SSBP1: variants seen among roughly 807,000 people sequenced by gnomAD.
The protein encoded by SSBP1 is single-stranded DNA-binding protein, mitochondrial.
A neutral mutation model predicts 27.0 loss-of-function variants in SSBP1; 20 were observed. The observed-to-expected ratio is 0.74, with a 90% CI of 0.52 to 1.08. The LOEUF (loss-of-function observed/expected upper bound fraction) is 1.08. SSBP1 is among the 50% of genes least tolerant of loss of function. The pLI, the probability that SSBP1 is intolerant of heterozygous loss-of-function variation, is 0.00. For synonymous variants in SSBP1, 59 were observed against 59.3 expected (o/e 1.00, Z 0.02); for missense variants, 137 against 182.4 (o/e 0.75, Z 1.44).
In SSBP1 at chr7:141,748,011, A is replaced by C. The variant is rs1396770866; in HGVS notation, c.404-2300A>C. Among the ~76,000 whole-genome samples the C allele has an allele frequency of 3.3e-5, 5 of 151,166 alleles. No homozygotes were observed. In the East Asian group the frequency reaches 7.8e-4, roughly 24 times the overall value. ...AGACTCTCTCAAAAAAAAAAAAAAA[A>C]AAAAAATTTTTTTTTTTTTACTATG... On this transcript the variant is annotated intron_variant, in intron 6 of 6. Transcript: ENST00000265304.
In SSBP1 at chr7:141,743,624, G is replaced by GA. The variant is rs777188245; in HGVS notation, c.155dup (p.Asn52LysfsTer11). The stretch of plus-strand genomic sequence containing the variant: ...GACCCTGTCTTGAGACAGGTGGAAG[G>GA]AAAAAATCCAGTCACAATATTTTCT... On this transcript the variant is annotated frameshift_variant, in exon 4 of 7. Coordinates refer to ENST00000265304, the MANE Select transcript of SSBP1 (RefSeq NM_003143.3). LOFTEE classifies it high-confidence loss of function. 2 of 1,614,112 alleles carry GA rather than the reference G, an allele frequency of 1.2e-6. No homozygotes were observed. Among genetic ancestry groups the GA allele is most frequent in the East Asian group, 2.2e-5 (1 of 44,882 alleles).
intron 6 of SSBP1, among the ~76,000 whole-genome samples, chr7:141,749,414 A>G (rs1799891667): frequency 6.6e-6 from 1 of 152,214 alleles, no homozygotes; most frequent in Non-Finnish European, 1.5e-5. Flanking sequence ...TTTAAGAGCA[A>G]CGTCTGATAT....
Position 141,743,981 on chromosome 7 carries a change from G to T in SSBP1, c.306G>T (p.Val102=). ...TCAGAGACGTGGCATATCAATATGT[G>T]AAAAAGGGGTAAGTTGAAGAGGGAA... ...PGLRDVAYQY[V]KKGSRIYLEG... is the part of the protein sequence containing the mutation. The change falls in exon 5 of 7, where the codon GTG becomes GTT. Residue 102 remains valine, a synonymous_variant. Transcript: ENST00000265304. 1.2e-6 allele frequency: 2 copies of T among 1,610,894 alleles called. No homozygotes were observed. Among genetic ancestry groups the T allele is most frequent in the Non-Finnish European group, 1.7e-6 (2 of 1,179,220 alleles).
chr7:141,742,146 G>GT (rs1184386466), intron 2 of SSBP1, 23 bp from the exon 3 acceptor site: 7 of 1,563,332 alleles, frequency 4.5e-6, no homozygotes, highest in Admixed American at 1.7e-5. Context: ...TTAAAGCCAT[G>GT]TTATTCATTT....
intron 3 of SSBP1, 43 bp downstream of exon 3, chr7:141,742,272 T>A: frequency 6.8e-7 from 1 of 1,470,880 alleles, no homozygotes; most frequent in Non-Finnish European, 9.5e-7. Flanking sequence ...TTTTTAGTAA[T>A]TTGCCAATCT....
intron 6 of SSBP1, chr7:141,746,605 C>G (rs1799799955): frequency 6.6e-6 from 1 of 152,112 alleles, no homozygotes; most frequent in Admixed American, 6.6e-5. Context: ...CTTAGCCTCC[C>G]CAAATACTGG....
In SSBP1 at chr7:141,745,573, C is replaced by T. The variant is rs1799749858; in HGVS notation, c.392C>T (p.Thr131Ile). 1.2e-6 allele frequency: 2 copies of T among 1,613,058 alleles called. No individual in the cohort carries two copies. The highest frequency in any genetic ancestry group is 1.7e-6 in the Non-Finnish European group (2 of 1,179,538). ...AATAATGTGAGGCGACAAGCAACAA[C>T]AATCATAGCTGGTAAGAAGCTTGTG... Reference protein sequence around the residue: ...DKNNVRRQATTIIADNIIFLS... With the variant: ...DKNNVRRQATIIIADNIIFLS... Residue 131 changes from threonine (T) to isoleucine (I), a missense_variant, in exon 6 of 7, where the codon ACA becomes ATA. Physicochemically the swap from Thr to Ile is moderately conservative, Grantham distance 89. Transcript: ENST00000265304.
intron 6 of SSBP1, among the ~76,000 whole-genome samples, chr7:141,749,592 G>A (rs201080433): frequency 6.6e-6 from 1 of 152,158 alleles, no homozygotes; most frequent in Non-Finnish European, 1.5e-5. Context: ...GACCAGCCTG[G>A]CCAACATGGT....
intron 2 of SSBP1, chr7:141,741,819 C>A: frequency 9.8e-7 from 1 of 1,016,230 alleles, no homozygotes; most frequent in Non-Finnish European, 1.2e-6. Context: ...CAAATATTAT[C>A]ATACTCTGTA....
rs1584773311 is a variant in SSBP1, at chr7:141,750,426, C to T, written c.*72C>T. The T allele has an allele frequency of 1.6e-6, 2 of 1,244,506 alleles. No homozygotes were observed. Among genetic ancestry groups the T allele is most frequent in the Non-Finnish European group, 2.2e-6 (2 of 894,774 alleles). 77.1% of individuals were successfully genotyped at this position (1,244,506 alleles called of 1,614,324 possible). On this transcript the variant is annotated 3_prime_UTR_variant, in exon 7 of 7. Transcript: ENST00000265304. ...AAGTCATGTATAATCTTTATGGCTT[C>T]CAAGGACAAGAATTAAAATACTCTT... is the stretch of plus-strand genomic sequence containing the variant.
At chr7:141,749,696 C>T (rs574812088) in intron 6 of SSBP1, among the ~76,000 whole-genome samples, 4 of 152,260 alleles carry the variant, frequency 2.6e-5, no homozygotes, top group South Asian at 2.1e-4. Context: ...GCAGGAGAAT[C>T]GCTTGAACCC....
In SSBP1 at chr7:141,743,716, C is replaced by T. The variant is rs1563027488; in HGVS notation, c.226+15C>T. Reference sequence around the variant, plus strand: ...TTACCAACTGGGTGAGTACAAAAGACTGGGGTTTTAATTTTATCAGCAATA... The same window carrying T: ...TTACCAACTGGGTGAGTACAAAAGATTGGGGTTTTAATTTTATCAGCAATA... On this transcript the variant is annotated intron_variant, in intron 4 of 6. Coordinates refer to ENST00000265304, the MANE Select transcript of SSBP1 (RefSeq NM_003143.3). The T allele has an allele frequency of 6.2e-7, 1 of 1,610,156 alleles. No individual in the cohort carries two copies. The highest frequency in any genetic ancestry group is 1.7e-5 in the Admixed American group (1 of 59,130).
chr7:141,747,243 A>G (rs189215163), intron 6 of SSBP1, among the ~76,000 whole-genome samples: 468 of 152,230 alleles, frequency 3.1e-3, no homozygotes, highest in African/African-American at 0.011. Flanking sequence ...AAAATTAGAC[A>G]TTGTGAATTT....
At chr7:141,738,877 C>T (rs546157663) in intron 1 of SSBP1, 2 of 350,288 alleles carry the variant, frequency 5.7e-6, no homozygotes, top group African/African-American at 2.1e-5. Flanking sequence ...GGGATTAACT[C>T]AGAATCAAAA....
intron 6 of SSBP1, chr7:141,746,403 T>A (rs1360168180): frequency 1.3e-5 from 2 of 152,314 alleles, no homozygotes; most frequent in Non-Finnish European, 2.9e-5. Context: ...TGCAATGGTG[T>A]GATCACAGCT....
chr7:141,739,712 A>T (rs1245570895), intron 2 of SSBP1: 2 of 152,216 alleles, frequency 1.3e-5, no homozygotes, highest in African/African-American at 4.8e-5. Context: ...GAGCCAGCTT[A>T]GACTACCATT....
At chr7:141,743,521 A>G (rs1468683665) in intron 3 of SSBP1, 40 bp from the exon 4 acceptor site, 1 of 1,610,662 alleles carries the variant, frequency 6.2e-7, no homozygotes, top group Non-Finnish European at 8.5e-7. Context: ...TATTCAGTCT[A>G]TAGCAGGTTG....
At chr7:141,739,213 A>C (rs751732736) in intron 2 of SSBP1, 23 bp downstream of exon 2, 11 of 1,571,636 alleles carry the variant, frequency 7.0e-6, no homozygotes, top group Non-Finnish European at 9.5e-6. Context: ...CTGTATTAAT[A>C]CTGAGATGTA....
At chr7:141,744,420 G>C (rs1160283622) in intron 5 of SSBP1, among the ~76,000 whole-genome samples, 1 of 152,208 alleles carries the variant, frequency 6.6e-6, no homozygotes, top group East Asian at 1.9e-4. Context: ...TCTGAAGCCT[G>C]ACATGCCAAC....
Sources: gnomAD v4.1 joint callset for allele counts (sites outside exome capture counted in the v4.1 genomes callset) on GRCh38, gnomAD v4.1.1 for gene constraint, MANE v1.5 for transcripts, NCBI Gene and HGNC (gene_info 2026-07-23, HGNC 2026-07-21) for gene names.